The following HSCB variants were observed in gnomAD, a reference collection of about 807,000 sequenced individuals.
The protein encoded by HSCB is HscB mitochondrial iron-sulfur cluster cochaperone, also known as iron-sulfur cluster co-chaperone protein HscB.
HSCB carries 23 observed loss-of-function variants against 31.3 expected under a neutral mutation model. The observed-to-expected ratio is 0.74, with a 90% CI of 0.53 to 1.04. HSCB has a LOEUF of 1.04. Among genes scored for constraint, HSCB ranks in the 50% least tolerant of loss-of-function variants. The pLI, the probability that HSCB is intolerant of heterozygous loss-of-function variation, is 0.00. For missense variants in HSCB, 297 were observed against 288.1 expected, an observed-to-expected ratio of 1.03 and a Z score of -0.22; for synonymous variants, 110 against 104.5, an observed-to-expected ratio of 1.05 and a Z score of -0.32.
chr22:28,757,239 C>A lies in HSCB; in HGVS notation c.*70C>A. ...CAGTGGCTCACACCTGTAATCCCAGCACTTTGGGAGGCTGAGGTGGGTGGA... is the reference window on the plus strand; with the variant it reads ...CAGTGGCTCACACCTGTAATCCCAGAACTTTGGGAGGCTGAGGTGGGTGGA... On this transcript the variant is annotated 3_prime_UTR_variant, in exon 6 of 6. Transcript: ENST00000216027. 3 of 802,204 alleles carry A rather than the reference C, an allele frequency of 3.7e-6. No individual in the cohort carries two copies. In the East Asian group the frequency reaches 8.3e-5, roughly 22 times the overall value. 49.7% of individuals were successfully genotyped at this position (802,204 alleles called of 1,614,324 possible).
At chr22:28,754,834 C>T (rs1229722097) in intron 5 of HSCB, among the ~76,000 whole-genome samples, 3 of 149,234 alleles carry the variant, frequency 2.0e-5, no homozygotes, top group Admixed American at 1.3e-4. Flanking sequence ...TTTGCTCTTT[C>T]GCCCAGGCTA....
At chr22:28,743,628 C>T (rs1428847341) in intron 1 of HSCB, among the ~76,000 whole-genome samples, 2 of 152,150 alleles carry the variant, frequency 1.3e-5, no homozygotes, top group African/African-American at 4.8e-5. Flanking sequence ...TCTTGCAATT[C>T]TACCTGGACG....
At chr22:28,753,506 C>T (rs188402868) in intron 5 of HSCB, among the ~76,000 whole-genome samples, 21 of 147,534 alleles carry the variant, frequency 1.4e-4, no homozygotes, top group Admixed American at 4.2e-4. Context: ...CCAGCCTGGG[C>T]GACAAGAGAA....
chr22:28,743,440 A>G (rs1178864884), intron 1 of HSCB, among the ~76,000 whole-genome samples: 6 of 152,228 alleles, frequency 3.9e-5, no homozygotes, highest in Non-Finnish European at 8.8e-5. Flanking sequence ...GAAGGTTCAG[A>G]AATCTGACTA....
intron 4 of HSCB, among the ~76,000 whole-genome samples, chr22:28,746,399 A>AG (rs1207178597): frequency 6.6e-6 from 1 of 151,586 alleles, no homozygotes; most frequent in Non-Finnish European, 1.5e-5. Context: ...AAAAAAAAAA[A>AG]AAAGGTTATT....
At chr22:28,742,361 C>A (rs774051729) in intron 1 of HSCB, 30 bp downstream of exon 1, 1 of 1,605,336 alleles carries the variant, frequency 6.2e-7, no homozygotes, top group East Asian at 2.2e-5. Flanking sequence ...GAAACGGGCC[C>A]GGGCGAGAGA....
At chr22:28,744,110 AG>A in intron 2 of HSCB, 132 bp downstream of exon 2, 1 of 744,260 alleles carries the variant, frequency 1.3e-6, no homozygotes, top group East Asian at 2.5e-5. Context: ...GTCTGACCCC[AG>A]CCTGTCAGAC....
At chr22:28,751,369 A>G (rs2030243083) in intron 5 of HSCB, 81 bp downstream of exon 5, 2 of 746,978 alleles carry the variant, frequency 2.7e-6, no homozygotes, top group Non-Finnish European at 4.6e-6. Context: ...ATAACTAGCT[A>G]TTATATACCT....
chr22:28,747,595 G>C (rs2029921761), intron 4 of HSCB, among the ~76,000 whole-genome samples: 1 of 152,160 alleles, frequency 6.6e-6, no homozygotes, highest in African/African-American at 2.4e-5. Flanking sequence ...GACTCAATGT[G>C]CCTGGCATAG....
intron 1 of HSCB, 129 bp downstream of exon 1, chr22:28,742,460 G>C: frequency 7.0e-7 from 1 of 1,422,722 alleles, no homozygotes; most frequent in South Asian, 1.4e-5. Flanking sequence ...GGTCTAGAGA[G>C]CAGGCGTGAG....
At chr22:28,743,519 C>G (rs1481193531) in intron 1 of HSCB, among the ~76,000 whole-genome samples, 1 of 152,202 alleles carries the variant, frequency 6.6e-6, no homozygotes, top group East Asian at 1.9e-4. Context: ...ACTATGGGAT[C>G]TTCCCCACCA....
At chr22:28,750,057 C>G (rs1247762066) in intron 4 of HSCB, among the ~76,000 whole-genome samples, 2 of 151,880 alleles carry the variant, frequency 1.3e-5, no homozygotes, top group African/African-American at 2.4e-5. Flanking sequence ...CAAGACCACC[C>G]TGACCAACAT....
At position 28,742,126 on chromosome 22, in the gene HSCB, C is replaced by T; in HGVS notation, c.31C>T (p.Arg11Trp). The change falls in exon 1 of 6, where the codon CGG (arginine) becomes TGG (tryptophan). Residue 11 changes from arginine (R) to tryptophan (W), a missense_variant. Arg to Trp is a moderately radical substitution (Grantham distance 101). Coordinates refer to ENST00000216027, the MANE Select transcript of HSCB (RefSeq NM_172002.5). Reference sequence around the variant, plus strand: ...GCGGGGGAGAGCCGGGGCTTTGCTCCGGGTGTGGGGGTTTTGGCCGACAGG... The same window carrying T: ...GCGGGGGAGAGCCGGGGCTTTGCTCTGGGTGTGGGGGTTTTGGCCGACAGG... Reference protein sequence around the residue: MWRGRAGALLRVWGFWPTGVP... With the variant: MWRGRAGALLWVWGFWPTGVP... 6.2e-7 allele frequency: 1 copy of T among 1,609,696 alleles called. No homozygotes were observed. Among genetic ancestry groups the T allele is most frequent in the Non-Finnish European group, 8.5e-7 (1 of 1,178,258 alleles).
intron 3 of HSCB, 23 bp from the exon 4 acceptor site, chr22:28,745,841 T>C (rs751116751): frequency 2.5e-6 from 4 of 1,584,416 alleles, no homozygotes. Flanking sequence ...TCAACTTATT[T>C]TTCTTGCTTT....
intron 5 of HSCB, among the ~76,000 whole-genome samples, chr22:28,752,325 G>C (rs555754846): frequency 1.3e-5 from 2 of 150,894 alleles, no homozygotes; most frequent in South Asian, 4.2e-4. Flanking sequence ...CAGCTACTAG[G>C]GAGGCTGAGG....
rs114889240 is a variant in HSCB, at chr22:28,745,086, A to G, written c.423+382A>G. ...AAAAAAAAAAAAGTCCAGGGACCCAATAGTATTTAGCCTCAGAGCACAAGT... is the reference window on the plus strand; with the variant it reads ...AAAAAAAAAAAAGTCCAGGGACCCAGTAGTATTTAGCCTCAGAGCACAAGT... On this transcript the variant is annotated intron_variant, in intron 3 of 5. Transcript: ENST00000216027. 7.6e-3 allele frequency among the ~76,000 whole-genome samples: 1,148 copies of G among 151,864 alleles called. 16 individuals are homozygous for G. The highest frequency in any genetic ancestry group is 0.027 in the African/African-American group (1,098 of 41,430).
At chr22:28,748,621 T>TCCTGCC (rs922665077) in intron 4 of HSCB, among the ~76,000 whole-genome samples, 4 of 151,960 alleles carry the variant, frequency 2.6e-5, no homozygotes, top group African/African-American at 9.7e-5. Context: ...CCAGCTATTC[T>TCCTGCC]CCTGCCTCTG....
At position 28,742,236 on chromosome 22, in the gene HSCB, A is replaced by C; in HGVS notation, c.141A>C (p.Pro47=). Residue 47 remains proline, a synonymous_variant, in exon 1 of 6, where the codon CCA becomes CCC. Transcript: ENST00000216027. The part of the protein sequence containing the change: ...NYPRCWNCGG[P]WGPGREDRFF... ...CCCGCTGTTGGAACTGCGGCGGCCCATGGGGCCCCGGGCGGGAGGACAGGT... is the reference window on the plus strand; with the variant it reads ...CCCGCTGTTGGAACTGCGGCGGCCCCTGGGGCCCCGGGCGGGAGGACAGGT... 6.2e-7 allele frequency: 1 copy of C among 1,613,920 alleles called. No homozygotes were observed. Among genetic ancestry groups the C allele is most frequent in the Middle Eastern group, 1.7e-4 (1 of 6,056 alleles).
intron 4 of HSCB, among the ~76,000 whole-genome samples, chr22:28,749,361 T>G (rs1313486133): frequency 6.6e-6 from 1 of 152,134 alleles, no homozygotes; most frequent in African/African-American, 2.4e-5. Context: ...CCCATTTAAG[T>G]TAACCCCTCC....
Sources: gnomAD v4.1 joint callset for allele counts (sites outside exome capture counted in the v4.1 genomes callset) on GRCh38, gnomAD v4.1.1 for gene constraint, MANE v1.5 for transcripts, NCBI Gene and HGNC (gene_info 2026-07-23, HGNC 2026-07-21) for gene names.